The following HDAC9 variants were observed in gnomAD, a reference collection of about 807,000 sequenced individuals.
HDAC9 encodes histone deacetylase 9.
Under a neutral mutation model 139.4 loss-of-function variants are expected in HDAC9, and 41 were observed. The ratio of observed to expected loss-of-function variants is 0.29; its 90% CI spans 0.23 to 0.38. The LOEUF is 0.38. Ranked by LOEUF, HDAC9 falls within the 10% of genes least tolerant of loss-of-function variation. The pLI, the probability that HDAC9 is intolerant of heterozygous loss-of-function variation, is 1.00. For missense variants in HDAC9, 1,147 were observed against 1,297.0 expected (o/e 0.88, Z 1.78); for synonymous variants, 517 against 476.2 (o/e 1.09, Z -1.12).
intron 1 of HDAC9, among the ~76,000 whole-genome samples, chr7:18,487,690 C>G (rs1311835994): frequency 1.3e-5 from 2 of 151,986 alleles, no homozygotes; most frequent in Admixed American, 1.3e-4. Flanking sequence ...ATAGTTCACA[C>G]CCAATTAGAT....
At chr7:18,651,878 T>G (rs1222431117) in intron 11 of HDAC9, among the ~76,000 whole-genome samples, 1 of 152,114 alleles carries the variant, frequency 6.6e-6, no homozygotes, top group Non-Finnish European at 1.5e-5. Context: ...GTATTTATAC[T>G]GTTATATCTG....
At position 18,647,940 on chromosome 7, in the gene HDAC9, T is replaced by C; in HGVS notation, c.1191T>C (p.Ala397=). Residue 397 remains alanine (A), a synonymous_variant, in exon 10 of 26, where the codon GCT becomes GCC. Transcript: ENST00000686413. The part of the protein sequence containing the change: ...EGKPPNSSHQ[A]LLQHLLLKEQ... ...AGCCACCCAACAGCAGCCACCAGGC[T>C]CTCCTGCAGCATTTATTATTGAAAG... 1 of 1,612,702 alleles carries C rather than the reference T, an allele frequency of 6.2e-7. No individual in the cohort carries two copies. The highest frequency in any genetic ancestry group is 1.1e-5 in the South Asian group (1 of 90,918).
chr7:18,547,153 TG>T (rs910533539), intron 2 of HDAC9, among the ~76,000 whole-genome samples: 9 of 152,380 alleles, frequency 5.9e-5, no homozygotes, highest in Admixed American at 3.3e-4. Context: ...CAACCTTTTT[TG>T]CTGGCTGAGG....
intron 24 of HDAC9, among the ~76,000 whole-genome samples, chr7:18,957,098 G>C (rs1254631068): frequency 1.3e-5 from 2 of 151,758 alleles, no homozygotes; most frequent in African/African-American, 4.8e-5. Context: ...TCAGTTGAGA[G>C]GGCTCTGAAT....
At chr7:18,874,634 T>C (rs1799182580) in intron 22 of HDAC9, 38 bp downstream of exon 22, 1 of 1,164,602 alleles carries the variant, frequency 8.6e-7, no homozygotes, top group East Asian at 2.5e-5. Flanking sequence ...AAGGCTCTGA[T>C]ATCATACCAT....
intron 22 of HDAC9, among the ~76,000 whole-genome samples, chr7:18,926,181 C>G (rs1804210832): frequency 6.6e-6 from 1 of 151,936 alleles, no homozygotes; most frequent in Non-Finnish European, 1.5e-5. Flanking sequence ...AGACCCTGTC[C>G]TTATAAAAAA....
intron 2 of HDAC9, among the ~76,000 whole-genome samples, chr7:18,531,662 G>A (rs1454422632): frequency 6.6e-6 from 1 of 151,698 alleles, no homozygotes; most frequent in Non-Finnish European, 1.5e-5. Flanking sequence ...AAATGGAAAG[G>A]AAAAAATCCT....
intron 2 of HDAC9, among the ~76,000 whole-genome samples, chr7:18,163,729 T>A (rs1284402514): frequency 6.6e-6 from 1 of 151,632 alleles, no homozygotes; most frequent in Non-Finnish European, 1.5e-5. Context: ...TAAATTAACA[T>A]TTACCTTATA....
At chr7:18,098,991 T>C (rs933082180) in intron 1 of HDAC9, among the ~76,000 whole-genome samples, 8 of 152,224 alleles carry the variant, frequency 5.3e-5, no homozygotes. Flanking sequence ...TGATACATTA[T>C]GTTCATTCTT....
intron 2 of HDAC9, among the ~76,000 whole-genome samples, chr7:18,572,174 TA>T (rs753696102): frequency 4.0e-5 from 6 of 151,844 alleles, no homozygotes; most frequent in Non-Finnish European, 5.9e-5. Context: ...AGCTACATAA[TA>T]TACTAGGTTC....
At chr7:18,800,988 C>G (rs1434012609) in intron 17 of HDAC9, among the ~76,000 whole-genome samples, 2 of 152,046 alleles carry the variant, frequency 1.3e-5, no homozygotes, top group Non-Finnish European at 2.9e-5. Context: ...GCTAATTGTA[C>G]ATCATTATTA....
At chr7:18,207,539 C>CTTTTTGTTTTTTTTTTTTT (rs1791615985) in intron 2 of HDAC9, among the ~76,000 whole-genome samples, 1 of 53,730 alleles carries the variant, frequency 1.9e-5, no homozygotes, top group Non-Finnish European at 3.1e-5. Flanking sequence ...CCCAAGGAGT[C>CTTTTTGTTTTTTTTTTTTT]TTTTTTTTTT....
At chr7:18,447,890 G>C (rs573169565) in intron 1 of HDAC9, among the ~76,000 whole-genome samples, 2 of 152,208 alleles carry the variant, frequency 1.3e-5, no homozygotes, top group Non-Finnish European at 2.9e-5. Flanking sequence ...CACCCACGCT[G>C]TAGTGGAGTG....
chr7:18,472,294 A>G (rs1794785431), intron 1 of HDAC9, among the ~76,000 whole-genome samples: 1 of 152,138 alleles, frequency 6.6e-6, no homozygotes, highest in Non-Finnish European at 1.5e-5. Context: ...TAATCTACTC[A>G]TCTCTGGTTC....
chr7:18,991,801 G>A (rs759365023), intron 25 of HDAC9, among the ~76,000 whole-genome samples: 3 of 152,124 alleles, frequency 2.0e-5, no homozygotes, highest in Non-Finnish European at 4.4e-5. Context: ...ATGCAAATTT[G>A]AATAACAAGA....
intron 2 of HDAC9, among the ~76,000 whole-genome samples, chr7:18,279,739 C>T (rs1421987785): frequency 6.6e-6 from 1 of 152,094 alleles, no homozygotes; most frequent in Non-Finnish European, 1.5e-5. Context: ...ACTGGGATTA[C>T]AGGGTGAGAG....
chr7:18,135,435 A>G (rs1405572282), intron 1 of HDAC9, among the ~76,000 whole-genome samples: 2 of 130,172 alleles, frequency 1.5e-5, no homozygotes, highest in African/African-American at 2.9e-5. Context: ...TATATCTCCC[A>G]ATGCTATCCC....
chr7:18,628,616 T>A (rs972400), intron 6 of HDAC9, among the ~76,000 whole-genome samples: 27,553 of 152,140 alleles, frequency 0.18, 2,590 homozygotes, highest in Non-Finnish European at 0.2. Flanking sequence ...TAAGCTTCAC[T>A]GTTTAGAATA....
intron 6 of HDAC9, 79 bp from the exon 7 acceptor site, chr7:18,629,271 T>C: frequency 7.6e-7 from 1 of 1,314,370 alleles, no homozygotes; most frequent in Middle Eastern, 2.7e-4. Flanking sequence ...TGAGACTTTT[T>C]TTTTTTTTAA....
Sources: gnomAD v4.1 joint callset for allele counts (sites outside exome capture counted in the v4.1 genomes callset) on GRCh38, gnomAD v4.1.1 for gene constraint, MANE v1.5 for transcripts, NCBI Gene and HGNC (gene_info 2026-07-23, HGNC 2026-07-21) for gene names.